Variants in PDSS2 observed in about 807,000 individuals in gnomAD.
PDSS2 encodes the protein decaprenyl diphosphate synthase subunit 2.
In PDSS2, 31 loss-of-function variants were observed where a neutral mutation model predicts 44.5. The observed-to-expected ratio is 0.70, with a 90% CI of 0.52 to 0.94. The LOEUF (loss-of-function observed/expected upper bound fraction) is 0.94. PDSS2 is among the 40% of genes least tolerant of loss of function. The pLI, the probability that PDSS2 is intolerant of heterozygous loss-of-function variation, is 0.00. For missense variants in PDSS2, 452 were observed against 482.2 expected (o/e 0.94, Z 0.59); for synonymous variants, 157 against 180.3 (o/e 0.87, Z 1.03).
chr6:107,187,430 C>T (rs1366752317), intron 7 of PDSS2, among the ~76,000 whole-genome samples: 2 of 152,060 alleles, frequency 1.3e-5, no homozygotes, highest in African/African-American at 2.4e-5. Context: ...TTTGGGAGGC[C>T]GAGGTGGGCA....
chr6:107,402,931 C>A (rs1780194339), intron 1 of PDSS2, among the ~76,000 whole-genome samples: 1 of 152,042 alleles, frequency 6.6e-6, no homozygotes, highest in African/African-American at 2.4e-5. Flanking sequence ...TATCATTCCA[C>A]CCCTGGCTCC....
chr6:107,170,278 G>T (rs532464529), intron 7 of PDSS2, among the ~76,000 whole-genome samples: 17 of 152,298 alleles, frequency 1.1e-4, no homozygotes, highest in African/African-American at 3.4e-4. Flanking sequence ...CTCTGAGCCA[G>T]GCACGGGATA....
chr6:107,406,022 A>C (rs1242791540), intron 1 of PDSS2, among the ~76,000 whole-genome samples: 3 of 152,190 alleles, frequency 2.0e-5, no homozygotes, highest in African/African-American at 7.2e-5. Context: ...CATGTATCAA[A>C]ACTGTACTTG....
intron 4 of PDSS2, among the ~76,000 whole-genome samples, chr6:107,221,687 C>T (rs1446804416): frequency 6.6e-6 from 1 of 152,166 alleles, no homozygotes; most frequent in Non-Finnish European, 1.5e-5. Flanking sequence ...CCATATGCTG[C>T]TCTCCTACTT....
intron 1 of PDSS2, among the ~76,000 whole-genome samples, chr6:107,426,116 A>C (rs1780995115): frequency 6.6e-6 from 1 of 152,170 alleles, no homozygotes; most frequent in Non-Finnish European, 1.5e-5. Context: ...CTCCCATCAC[A>C]GGCCTGGAGG....
chr6:107,391,114 T>A (rs1320252105), intron 1 of PDSS2, among the ~76,000 whole-genome samples: 4 of 4,612 alleles, frequency 8.7e-4, no homozygotes, highest in African/African-American at 3.8e-3. Context: ...AACCACCTTT[T>A]TGCTCACATT....
chr6:107,244,183 C>T (rs1464663370), intron 4 of PDSS2, among the ~76,000 whole-genome samples: 4 of 152,086 alleles, frequency 2.6e-5, no homozygotes, highest in East Asian at 1.9e-4. Flanking sequence ...ACTTCAAATC[C>T]CTGAGAGCTA....
At chr6:107,315,657 G>T (rs925631827) in intron 2 of PDSS2, among the ~76,000 whole-genome samples, 1 of 152,216 alleles carries the variant, frequency 6.6e-6, no homozygotes, top group Admixed American at 6.5e-5. Flanking sequence ...GGCCAGGTCA[G>T]TGAAGCATTT....
At chr6:107,296,580 A>G (rs1257060794) in intron 2 of PDSS2, among the ~76,000 whole-genome samples, 1 of 152,154 alleles carries the variant, frequency 6.6e-6, no homozygotes, top group Non-Finnish European at 1.5e-5. Flanking sequence ...ATAAAAAATT[A>G]GCTGGGCGTG....
intron 1 of PDSS2, among the ~76,000 whole-genome samples, chr6:107,390,416 T>A (rs1357878365): frequency 6.6e-6 from 1 of 151,970 alleles, no homozygotes; most frequent in East Asian, 1.9e-4. Context: ...CTCCACAAAA[T>A]AGTTGACCAA....
At chr6:107,442,813 C>T (rs1781550536) in intron 1 of PDSS2, among the ~76,000 whole-genome samples, 1 of 152,202 alleles carries the variant, frequency 6.6e-6, no homozygotes, top group South Asian at 2.1e-4. Context: ...TAGCTTGAAT[C>T]CAGTCTTTCC....
chr6:107,343,055 A>C (rs1778128978), intron 1 of PDSS2, among the ~76,000 whole-genome samples: 1 of 152,156 alleles, frequency 6.6e-6, no homozygotes, highest in African/African-American at 2.4e-5. Context: ...GGCTTAAGTG[A>C]TCCTCTCGCC....
intron 3 of PDSS2, among the ~76,000 whole-genome samples, chr6:107,262,949 A>G (rs1228097967): frequency 6.6e-6 from 1 of 152,076 alleles, no homozygotes; most frequent in Non-Finnish European, 1.5e-5. Context: ...ATAAAGAAAT[A>G]AAAATAATTA....
chr6:107,336,289 C>T (rs1466975043), intron 1 of PDSS2, among the ~76,000 whole-genome samples: 1 of 149,894 alleles, frequency 6.7e-6, no homozygotes, highest in East Asian at 2.0e-4. Context: ...AAAATCTTTG[C>T]CCCTCCAGTC....
rs145139369 is a variant in PDSS2 at position 107,440,284 on chromosome 6, T to A, written c.296+18706A>T. Among the ~76,000 whole-genome samples the A allele has an allele frequency of 1.9e-3, 296 of 152,356 alleles. 1 individual carries two copies. The highest frequency in any genetic ancestry group is 3.0e-3 in the Non-Finnish European group (203 of 68,032). ...CAACACTACCATCTGTGGACTTACC[T>A]GTGTGCCAGTGTGATATTCCACTTA... On this transcript the variant is annotated intron_variant, in intron 1 of 7. Coordinates refer to ENST00000369037, the MANE Select transcript of PDSS2 (RefSeq NM_020381.4).
intron 3 of PDSS2, among the ~76,000 whole-genome samples, chr6:107,247,609 T>A (rs1473845372): frequency 6.6e-6 from 1 of 152,180 alleles, no homozygotes; most frequent in Non-Finnish European, 1.5e-5. Context: ...AAGAGTAGCC[T>A]AAGAAGTTGA....
chr6:107,388,931 T>C (rs1344610510), intron 1 of PDSS2, among the ~76,000 whole-genome samples: 1 of 152,224 alleles, frequency 6.6e-6, no homozygotes, highest in Non-Finnish European at 1.5e-5. Context: ...AAATCTTAAA[T>C]GCATTTTGCT....
At chr6:107,409,501 A>G (rs1451715406) in intron 1 of PDSS2, among the ~76,000 whole-genome samples, 2 of 152,114 alleles carry the variant, frequency 1.3e-5, no homozygotes, top group Non-Finnish European at 2.9e-5. Flanking sequence ...ACAGGAGTGA[A>G]GCTATTTTTC....
intron 1 of PDSS2, among the ~76,000 whole-genome samples, chr6:107,371,597 G>T (rs893401420): frequency 4.6e-5 from 7 of 152,022 alleles, no homozygotes; most frequent in Non-Finnish European, 1.0e-4. Context: ...GTTGAATTAG[G>T]TCACTTCAGA....
Sources: allele counts gnomAD v4.1 joint callset (sites outside exome capture counted in the v4.1 genomes callset), GRCh38; gene constraint gnomAD v4.1.1; transcripts MANE v1.5; gene names NCBI Gene and HGNC (gene_info 2026-07-23, HGNC 2026-07-21).